The following CPA6 variants were observed in gnomAD, a reference collection of about 807,000 sequenced individuals.
CPA6 encodes carboxypeptidase B.
Under a neutral mutation model 63.3 loss-of-function variants are expected in CPA6, and 58 were observed. That is an observed-to-expected ratio of 0.92 (90% CI 0.74 to 1.14). The LOEUF is 1.14. CPA6 is among the 50% of genes most tolerant of loss of function. The probability of loss-of-function intolerance (pLI) is 0.00; values close to 1 mark genes in which losing one functional copy is unlikely to be tolerated. For missense variants in CPA6, 565 were observed against 526.6 expected (o/e 1.07, Z -0.71); for synonymous variants, 185 against 179.0 (o/e 1.03, Z -0.27).
At chr8:67,529,936 C>G (rs916946109) in intron 2 of CPA6, among the ~76,000 whole-genome samples, 1 of 152,026 alleles carries the variant, frequency 6.6e-6, no homozygotes, top group African/African-American at 2.4e-5. Context: ...CTAAAATCTT[C>G]CAACCAGAGA....
chr8:67,678,225 T>TCACA (rs200034998), intron 1 of CPA6, among the ~76,000 whole-genome samples: 7,175 of 142,830 alleles, frequency 0.05, 251 homozygotes, highest in African/African-American at 0.11. Context: ...TAAAACTCTG[T>TCACA]CTCACACACA....
At chr8:67,440,220 T>C (rs1211695991) in intron 8 of CPA6, among the ~76,000 whole-genome samples, 2 of 152,128 alleles carry the variant, frequency 1.3e-5, no homozygotes, top group Non-Finnish European at 2.9e-5. Context: ...TTCTTTGCAA[T>C]CCTTGGCATT....
intron 2 of CPA6, among the ~76,000 whole-genome samples, chr8:67,560,839 C>T (rs2128974462): frequency 6.6e-6 from 1 of 152,290 alleles, no homozygotes; most frequent in Non-Finnish European, 1.5e-5. Flanking sequence ...CTCTCCCCTG[C>T]TTAGCCCCAT....
chr8:67,460,325 T>A (rs560724381), intron 8 of CPA6, among the ~76,000 whole-genome samples: 2 of 152,330 alleles, frequency 1.3e-5, no homozygotes, highest in South Asian at 4.1e-4. Flanking sequence ...TGTTTTACAT[T>A]TTAAGGTCAG....
intron 6 of CPA6, among the ~76,000 whole-genome samples, chr8:67,485,993 C>T (rs1158420148): frequency 6.6e-6 from 1 of 152,142 alleles, no homozygotes; most frequent in African/African-American, 2.4e-5. Context: ...ATTTTTGACC[C>T]TTCCCTGTTC....
intron 2 of CPA6, among the ~76,000 whole-genome samples, chr8:67,571,988 G>A (rs1268494924): frequency 1.3e-5 from 2 of 151,908 alleles, no homozygotes; most frequent in African/African-American, 4.8e-5. Context: ...AGAAACGAAA[G>A]TGGAAACATT....
intron 1 of CPA6, among the ~76,000 whole-genome samples, chr8:67,716,835 T>C (rs1053343312): frequency 3.9e-5 from 6 of 152,226 alleles, no homozygotes; most frequent in African/African-American, 1.2e-4. Context: ...TATTCATCAC[T>C]GTATTTTCAG....
Position 67,552,774 on chromosome 8 carries a change from C to CAAAAAAAAAAAAAAAAAAAA in CPA6, c.193-34747_193-34728dup, listed in dbSNP as rs762395117. On this transcript the variant is annotated intron_variant, in intron 2 of 10. Coordinates refer to ENST00000297770, the MANE Select transcript of CPA6 (RefSeq NM_020361.5). ...CCTGGGTGACAGAGCAAGACTGTCTCAAAAAAAAAAAAAAAAAAAAAAAAA... is the reference window on the plus strand; with the variant it reads ...CCTGGGTGACAGAGCAAGACTGTCTCAAAAAAAAAAAAAAAAAAAAAAAAAAAAAAAAAAAAAAAAAAAAA... Among the ~76,000 whole-genome samples the CAAAAAAAAAAAAAAAAAAAA allele has an allele frequency of 1.0e-3, 21 of 20,924 alleles. 1 individual carries two copies. The highest frequency in any genetic ancestry group is 2.3e-3 in the East Asian group (1 of 432). 13.7% of individuals were successfully genotyped at this position (20,924 alleles called of 152,430 possible). A position where few individuals can be genotyped will look rare whatever the true frequency, so the allele number is the denominator to read the frequency against.
At chr8:67,546,582 G>A (rs1185208741) in intron 2 of CPA6, among the ~76,000 whole-genome samples, 1 of 152,136 alleles carries the variant, frequency 6.6e-6, no homozygotes, top group Non-Finnish European at 1.5e-5. Context: ...AAACCTTAAG[G>A]TACATCAGGA....
intron 1 of CPA6, among the ~76,000 whole-genome samples, chr8:67,729,751 A>G (rs1817670981): frequency 6.6e-6 from 1 of 152,234 alleles, no homozygotes; most frequent in African/African-American, 2.4e-5. Context: ...TAAGCCGCTC[A>G]GAGCCTGATG....
rs543414152 is a variant in CPA6, at chr8:67,711,248, C to T, written c.116+34766G>A. On this transcript the variant is annotated intron_variant, in intron 1 of 10. Coordinates refer to ENST00000297770, the MANE Select transcript of CPA6 (RefSeq NM_020361.5). ...CCTCAGAGCCTGGCTTGAAACCTTA[C>T]AACAAATTACCTATTTTGGTCTAAA... is the stretch of plus-strand genomic sequence containing the variant. 2.2e-4 allele frequency among the ~76,000 whole-genome samples: 34 copies of T among 152,344 alleles called. No homozygotes were observed. The East Asian group carries it at 6.5e-3, about 29-fold the overall frequency.
chr8:67,630,110 AAAT>A lies in CPA6; in HGVS notation c.117-5862_117-5860del, dbSNP rs61666997. Among the ~76,000 whole-genome samples, 65 of 144,868 alleles carry A rather than the reference AAAT, an allele frequency of 4.5e-4. 1 individual carries two copies. Among genetic ancestry groups the A allele is most frequent in the Middle Eastern group, 3.6e-3 (1 of 278 alleles). On this transcript the variant is annotated intron_variant, in intron 1 of 10. Transcript: ENST00000297770. Reference sequence around the variant, plus strand: ...ACAGAGTGAGAATCTGTCTCAATTAAAATAATAATAATAATAATAATAATAATA... The same window carrying A: ...ACAGAGTGAGAATCTGTCTCAATTAAAATAATAATAATAATAATAATAATA...
chr8:67,577,608 A>C (rs886792137), intron 2 of CPA6, among the ~76,000 whole-genome samples: 19 of 152,178 alleles, frequency 1.2e-4, no homozygotes, highest in Non-Finnish European at 7.3e-5. Context: ...AAAGGTAATA[A>C]TTGTCTTTTG....
chr8:67,671,976 C>T (rs993261573), intron 1 of CPA6, among the ~76,000 whole-genome samples: 12 of 152,090 alleles, frequency 7.9e-5, no homozygotes, highest in South Asian at 6.3e-4. Flanking sequence ...ATTACAGGTG[C>T]GCACCACCAC....
intron 2 of CPA6, among the ~76,000 whole-genome samples, chr8:67,586,720 T>A (rs774638261): frequency 3.9e-5 from 6 of 152,076 alleles, no homozygotes; most frequent in Non-Finnish European, 7.4e-5. Flanking sequence ...CATTAGGTGA[T>A]GTTGTTGCTA....
At chr8:67,681,971 A>T (rs1348863659) in intron 1 of CPA6, among the ~76,000 whole-genome samples, 1 of 152,186 alleles carries the variant, frequency 6.6e-6, no homozygotes, top group Non-Finnish European at 1.5e-5. Flanking sequence ...CTGGAATTGC[A>T]CTGAATCTAT....
At chr8:67,425,481 T>C (rs1337452519) in intron 10 of CPA6, among the ~76,000 whole-genome samples, 1 of 152,122 alleles carries the variant, frequency 6.6e-6, no homozygotes, top group East Asian at 1.9e-4. Flanking sequence ...TTCAAGAGAT[T>C]CTCCTGCCTC....
chr8:67,496,555 ATATT>A (rs1554668284), intron 6 of CPA6, among the ~76,000 whole-genome samples: 14 of 101,000 alleles, frequency 1.4e-4, no homozygotes, highest in East Asian at 1.2e-3. Flanking sequence ...ATATATATAT[ATATT>A]TATTTTATTT....
At chr8:67,648,432 T>C (rs422799) in intron 1 of CPA6, among the ~76,000 whole-genome samples, 63,673 of 151,988 alleles carry the variant, frequency 0.42, 14,545 homozygotes, top group African/African-American at 0.62. Flanking sequence ...TGCTGCATCA[T>C]ACTGCCAGCT....
Sources: allele counts gnomAD v4.1 joint callset (sites outside exome capture counted in the v4.1 genomes callset), GRCh38; gene constraint gnomAD v4.1.1; transcripts MANE v1.5; gene names NCBI Gene and HGNC (gene_info 2026-07-23, HGNC 2026-07-21).